The following ADAM15 variants were observed in gnomAD, a reference collection of about 807,000 sequenced individuals.
ADAM15 encodes the protein ADAM metallopeptidase domain 15, also known as disintegrin and metalloproteinase domain-containing protein 15.
A neutral mutation model predicts 113.8 loss-of-function variants in ADAM15; 77 were observed. The ratio of observed to expected loss-of-function variants is 0.68; its 90% CI spans 0.56 to 0.82. The LOEUF (loss-of-function observed/expected upper bound fraction) is 0.82. Ranked by LOEUF, ADAM15 falls within the 40% of genes least tolerant of loss-of-function variation. The pLI is 0.00. For synonymous variants in ADAM15, 388 were observed against 454.1 expected (o/e 0.85, Z 1.85); for missense variants, 963 against 1,120.1 (o/e 0.86, Z 2.00).
At chr1:155,051,508 G>T in intron 1 of ADAM15, 43 bp downstream of exon 1, 1 of 1,482,486 alleles carries the variant, frequency 6.7e-7, no homozygotes, top group South Asian at 1.3e-5. Flanking sequence ...GGACTGGGAG[G>T]GAGGTGCAGG....
Position 155,057,058 on chromosome 1 carries a change from G to C in ADAM15, c.1105G>C (p.Gly369Arg), listed in dbSNP as rs769888546. 6.3e-7 allele frequency: 1 copy of C among 1,590,928 alleles called. No homozygotes were observed. Among genetic ancestry groups the C allele is most frequent in the South Asian group, 1.1e-5 (1 of 88,408 alleles). Residue 369 changes from glycine to arginine, a missense_variant, in exon 11 of 23, where the codon GGT becomes CGT. Coordinates refer to ENST00000356955, the MANE Select transcript of ADAM15 (RefSeq NM_207197.3). The surrounding 1 kb of genome is among the most constrained non-coding windows in gnomAD (Gnocchi z 5.0). ...GCCTGGGAATAGCTGCCCCTGTCCA[G>C]GTCCAGCCCCAGCCAAGACCTGCAT... ...DLPGNSCPCPGPAPAKTCIME... is the reference protein window; with the variant it reads ...DLPGNSCPCPRPAPAKTCIME...
At chr1:155,055,205 T>C (rs1371978275) in intron 6 of ADAM15, among the ~76,000 whole-genome samples, 1 of 147,142 alleles carries the variant, frequency 6.8e-6, no homozygotes, top group Non-Finnish European at 1.5e-5. Flanking sequence ...GAGTTGTTAT[T>C]GGGATTTTTA....
intron 6 of ADAM15, among the ~76,000 whole-genome samples, chr1:155,055,214 T>A (rs1048986501): frequency 6.1e-5 from 8 of 131,194 alleles, no homozygotes; most frequent in South Asian, 2.3e-4. Context: ...TTGGGATTTT[T>A]AAAAATTATT....
At position 155,055,793 on chromosome 1, in the gene ADAM15, C is replaced by T. The variant is rs772205386; in HGVS notation, c.616C>T (p.Arg206Trp). The change falls in exon 7 of 23, where the codon CGG becomes TGG. Residue 206 changes from arginine to tryptophan, a missense_variant. Transcript: ENST00000356955. ...TAATTCTTCTTGTCCATAGTAGAGGCGGGATGTGGTAACAGAGACCAAGAC... is the reference window on the plus strand; with the variant it reads ...TAATTCTTCTTGTCCATAGTAGAGGTGGGATGTGGTAACAGAGACCAAGAC... ...PLGQRHIRRR[R>W]DVVTETKTVE... 3.1e-6 allele frequency: 5 copies of T among 1,614,160 alleles called. No homozygotes were observed. The highest frequency in any genetic ancestry group is 1.1e-5 in the South Asian group (1 of 91,084).
At chr1:155,061,263 C>T (rs2102425736) in intron 19 of ADAM15, 152 bp from the exon 20 acceptor site, 1 of 610,066 alleles carries the variant, frequency 1.6e-6, no homozygotes, top group Non-Finnish European at 2.9e-6. Flanking sequence ...CCCACTCGCT[C>T]CCCACCTGCA....
chr1:155,057,640 T>G lies in ADAM15; in HGVS notation c.1327T>G (p.Cys443Gly). The change falls in exon 13 of 23, where the codon TGC (cysteine) becomes GGC (glycine). Residue 443 changes from cysteine to glycine, a missense_variant. By Grantham distance (159) the Cys-to-Gly change is radical. Coordinates refer to ENST00000356955, the MANE Select transcript of ADAM15 (RefSeq NM_207197.3). This position sits in a 1 kb window ranked among gnomAD's most constrained non-coding sequence, Gnocchi z 5.0. ...EQCDCGFLDD[C>G]VDPCCDSLTC... ...GCCCCCGTGCTCCTGCCCACAGGACTGCGTCGATCCCTGCTGTGATTCTTT... is the reference window on the plus strand; with the variant it reads ...GCCCCCGTGCTCCTGCCCACAGGACGGCGTCGATCCCTGCTGTGATTCTTT... 3 of 1,614,158 alleles carry G rather than the reference T, an allele frequency of 1.9e-6. No individual in the cohort carries two copies. The highest frequency in any genetic ancestry group is 2.5e-6 in the Non-Finnish European group (3 of 1,180,020).
At chr1:155,055,488 A>G in intron 6 of ADAM15, 1 of 381,628 alleles carries the variant, frequency 2.6e-6, no homozygotes, top group South Asian at 2.4e-5. Context: ...GTCCTCCCAA[A>G]GTGCTGAGAT....
At chr1:155,055,901 C>A (rs774029224) in intron 7 of ADAM15, 31 bp from the exon 8 acceptor site, 1 of 1,614,186 alleles carries the variant, frequency 6.2e-7, no homozygotes, top group Admixed American at 1.7e-5. Flanking sequence ...ACTGCCCTGC[C>A]GCCTTTCATG....
intron 16 of ADAM15, 118 bp from the exon 17 acceptor site, chr1:155,059,784 C>G: frequency 9.1e-7 from 1 of 1,102,850 alleles, no homozygotes; most frequent in Non-Finnish European, 1.4e-6. Flanking sequence ...TCCGGGCTGT[C>G]TCTACACACA....
chr1:155,056,560 G>A lies in ADAM15; in HGVS notation c.999+90G>A, dbSNP rs888974887. On this transcript the variant is annotated intron_variant, in intron 10 of 22. Transcript: ENST00000356955. This position sits in a 1 kb window ranked among gnomAD's most constrained non-coding sequence, Gnocchi z 4.0. ...TGCACTGAAACCCCCCTATAAAGTT[G>A]CCCAACCCCAAAGCTACAGGTATAG... is the stretch of plus-strand genomic sequence containing the variant. 1.1e-5 allele frequency: 14 copies of A among 1,321,332 alleles called. No homozygotes were observed. In the African/African-American group the frequency reaches 1.3e-4, roughly 12 times the overall value. The allele number at this position is 1,321,332 out of a possible 1,614,324, so 81.9% of individuals were successfully genotyped here. A position where few individuals can be genotyped will look rare whatever the true frequency, so the allele number is the denominator to read the frequency against.
intron 6 of ADAM15, among the ~76,000 whole-genome samples, chr1:155,054,954 G>A (rs1661569555): frequency 6.6e-6 from 1 of 152,050 alleles, no homozygotes; most frequent in Non-Finnish European, 1.5e-5. Flanking sequence ...CTAATAAATG[G>A]CCTATCCATT....
In ADAM15 at chr1:155,057,423, GC is replaced by G; in HGVS notation, c.1323+64del. On this transcript the variant is annotated intron_variant, in intron 12 of 22. Transcript: ENST00000356955. This position sits in a 1 kb window ranked among gnomAD's most constrained non-coding sequence, Gnocchi z 5.0. ...TCTGTACCCTCACCCTGGCTCATTAGCCCTATCCCAGCCTCCTGAGCTCTTG... is the reference window on the plus strand; with the variant it reads ...TCTGTACCCTCACCCTGGCTCATTAGCCTATCCCAGCCTCCTGAGCTCTTG... 3 of 1,599,032 alleles carry G rather than the reference GC, an allele frequency of 1.9e-6. No homozygotes were observed. The highest frequency in any genetic ancestry group is 2.6e-6 in the Non-Finnish European group (3 of 1,169,214).
intron 19 of ADAM15, 152 bp downstream of exon 19, chr1:155,060,984 C>T: frequency 1.4e-6 from 1 of 726,090 alleles, no homozygotes; most frequent in Non-Finnish European, 2.2e-6. Flanking sequence ...CTGCCCTCCC[C>T]TCCCCTGGCT....
intron 18 of ADAM15, 41 bp downstream of exon 18, chr1:155,060,384 G>A (rs375332607): frequency 2.9e-5 from 46 of 1,609,756 alleles, no homozygotes; most frequent in Non-Finnish European, 3.9e-5. Flanking sequence ...CTTCAACTGG[G>A]GACAGTGCTG....
chr1:155,060,623 C>A, intron 18 of ADAM15, 140 bp from the exon 19 acceptor site: 1 of 991,642 alleles, frequency 1.0e-6, no homozygotes, highest in Non-Finnish European at 1.5e-6. Context: ...AAATACTGCC[C>A]CCCACCCCGG....
rs755437184 is a variant in ADAM15 at position 155,057,739 on chromosome 1, G to GACT, written c.1416+12_1416+14dup. 34 of 1,614,072 alleles carry GACT rather than the reference G, an allele frequency of 2.1e-5. No homozygotes were observed. Among genetic ancestry groups the GACT allele is most frequent in the Non-Finnish European group, 2.9e-5 (34 of 1,180,018 alleles). ...TTGTCAAAATTGCCAGGTGGGTAGA[G>GACT]ACTAGACTGGCCACCCGGAGCTCAC... On this transcript the variant is annotated intron_variant, in intron 13 of 22. Transcript: ENST00000356955. This position sits in a 1 kb window ranked among gnomAD's most constrained non-coding sequence, Gnocchi z 5.0.
chr1:155,061,949 G>A lies in ADAM15; in HGVS notation c.2398G>A (p.Ala800Thr), dbSNP rs148865238. The A allele has an allele frequency of 1.4e-5, 22 of 1,586,298 alleles. 1 individual carries two copies. The highest frequency in any genetic ancestry group is 3.4e-5 in the South Asian group (3 of 87,804). Residue 800 changes from alanine to threonine, a missense_variant, in exon 21 of 23, where the codon GCT becomes ACT. By Grantham distance (58) the Ala-to-Thr change is moderately conservative. Transcript: ENST00000356955. ...RPNPPTRPLP[A>T]DPVVRSPKSQ... Reference sequence around the variant, plus strand: ...CAATCCCCCTACCCGCCCTCTGCCCGCTGACCCGGTGGTGAGAAGCCCGAA... The same window carrying A: ...CAATCCCCCTACCCGCCCTCTGCCCACTGACCCGGTGGTGAGAAGCCCGAA...
rs995385584 is a variant in ADAM15, at chr1:155,058,891, A to G, written c.1995+104A>G. 9 of 1,406,928 alleles carry G rather than the reference A, an allele frequency of 6.4e-6. No homozygotes were observed. In the East Asian group the frequency reaches 2.2e-4, roughly 35 times the overall value. The allele number at this position is 1,406,928 out of a possible 1,614,324, so 87.2% of individuals were successfully genotyped here. On this transcript the variant is annotated intron_variant, in intron 16 of 22. Coordinates refer to ENST00000356955, the MANE Select transcript of ADAM15 (RefSeq NM_207197.3). This position sits in a 1 kb window ranked among gnomAD's most constrained non-coding sequence, Gnocchi z 4.3. ...ATATCTGGGTTTTAATCCTTGCTCT[A>G]CTACTTCCCAGTTGTGTGACCTCGG...
rs940018050 is a variant in ADAM15, at chr1:155,056,471, G to A, written c.999+1G>A. On this transcript the variant is annotated splice_donor_variant, in intron 10 of 22. Coordinates refer to ENST00000356955, the MANE Select transcript of ADAM15 (RefSeq NM_207197.3). LOFTEE classifies it high-confidence loss of function. This position sits in a 1 kb window ranked among gnomAD's most constrained non-coding sequence, Gnocchi z 4.0. Reference sequence around the variant, plus strand: ...TGACTTCTCAGGAGGTGTGAACATGGTGAGTTATTTCCAGGTCTCCTCCTC... The same window carrying A: ...TGACTTCTCAGGAGGTGTGAACATGATGAGTTATTTCCAGGTCTCCTCCTC... 6.8e-6 allele frequency: 11 copies of A among 1,613,602 alleles called. No individual in the cohort carries two copies. The South Asian group carries it at 7.7e-5, about 11-fold the overall frequency.
Sources: allele counts gnomAD v4.1 joint callset (sites outside exome capture counted in the v4.1 genomes callset), GRCh38; gene constraint gnomAD v4.1.1; non-coding constraint Gnocchi (gnomAD v3.1); transcripts MANE v1.5; gene names NCBI Gene and HGNC (gene_info 2026-07-23, HGNC 2026-07-21).